The following ATR variants were observed in gnomAD, a reference collection of about 807,000 sequenced individuals.
ATR encodes the protein serine/threonine-protein kinase ATR.
ATR carries 142 observed loss-of-function variants against 305.3 expected under a neutral mutation model. The observed-to-expected ratio is 0.47, with a 90% CI of 0.41 to 0.53. The LOEUF is 0.53. Among genes scored for constraint, ATR ranks in the 20% least tolerant of loss-of-function variants. ATR has a pLI of 0.00. For missense variants in ATR, 2,135 were observed against 3,133.1 expected (o/e 0.68, Z 7.60); for synonymous variants, 1,050 against 1,068.1 (o/e 0.98, Z 0.33).
intron 24 of ATR, among the ~76,000 whole-genome samples, chr3:142,517,004 T>TATATAC (rs1471452349): frequency 6.7e-6 from 1 of 148,534 alleles, no homozygotes; most frequent in Admixed American, 6.7e-5. Flanking sequence ...TATATATATA[T>TATATAC]ATACATATTT....
chr3:142,450,021 A>G (rs1194329986), intron 46 of ATR: 2 of 302,704 alleles, frequency 6.6e-6, no homozygotes, highest in Non-Finnish European at 6.3e-6. Flanking sequence ...GGAACTGTAC[A>G]ATTTCTTAAG....
chr3:142,471,732 A>G (rs1372346055), intron 36 of ATR, among the ~76,000 whole-genome samples: 1 of 152,162 alleles, frequency 6.6e-6, no homozygotes, highest in Non-Finnish European at 1.5e-5. Flanking sequence ...TATTTCACAT[A>G]TTTATTTTGT....
intron 15 of ATR, among the ~76,000 whole-genome samples, chr3:142,548,390 T>A (rs894200551): frequency 6.6e-6 from 1 of 152,186 alleles, no homozygotes; most frequent in African/African-American, 2.4e-5. Flanking sequence ...TACCTTTGGC[T>A]GGGCGTGTTG....
rs2108278409 is a variant in ATR at position 142,469,319 on chromosome 3, G to C, written c.6552+18C>G. The C allele has an allele frequency of 2.5e-6, 4 of 1,584,404 alleles. No homozygotes were observed. Among genetic ancestry groups the C allele is most frequent in the Non-Finnish European group, 3.5e-6 (4 of 1,155,154 alleles). The stretch of plus-strand genomic sequence containing the variant: ...GGTAAAAGATCTTTTCATATAAAAA[G>C]GTAAAAGACCCTTTTACCTTTGACA... On this transcript the variant is annotated intron_variant, in intron 38 of 46. Transcript: ENST00000350721.
chr3:142,552,087 A>G (rs537510563), intron 13 of ATR, among the ~76,000 whole-genome samples: 3 of 144,162 alleles, frequency 2.1e-5, no homozygotes, highest in South Asian at 2.2e-4. Flanking sequence ...CAAAACTACA[A>G]TGAGATACCA....
At chr3:142,526,668 T>C (rs1028853444) in intron 21 of ATR, among the ~76,000 whole-genome samples, 2 of 152,154 alleles carry the variant, frequency 1.3e-5, no homozygotes, top group African/African-American at 4.8e-5. Context: ...ATGGAAATAA[T>C]AGCATGATTT....
rs201709093 is a variant in ATR at position 142,513,489 on chromosome 3, G to A, written c.4641+12C>T. ...CACATGTTCAAAAACCAAGTAAGAT[G>A]ATTTATCTCACCTCCTGCTGATCTT... On this transcript the variant is annotated intron_variant, in intron 26 of 46. Coordinates refer to ENST00000350721, the MANE Select transcript of ATR (RefSeq NM_001184.4). 9.9e-6 allele frequency: 16 copies of A among 1,612,782 alleles called. No homozygotes were observed. The highest frequency in any genetic ancestry group is 1.7e-5 in the Admixed American group (1 of 59,994).
intron 23 of ATR, among the ~76,000 whole-genome samples, chr3:142,522,436 A>T (rs975875095): frequency 2.6e-5 from 4 of 152,172 alleles, no homozygotes; most frequent in Admixed American, 2.6e-4. Context: ...AGCTGTGAAC[A>T]TCCTTAGGAC....
chr3:142,499,589 C>T (rs1559941055), intron 31 of ATR, 38 bp downstream of exon 31: 9 of 1,591,542 alleles, frequency 5.7e-6, no homozygotes, highest in Non-Finnish European at 7.8e-6. Context: ...CCACCGCACC[C>T]ATCCTAAAAC....
chr3:142,498,445 G>C, intron 32 of ATR, 152 bp downstream of exon 32: 2 of 691,474 alleles, frequency 2.9e-6, no homozygotes, highest in South Asian at 3.8e-5. Context: ...TTTAACTGTA[G>C]GGTGATTGTG....
intron 5 of ATR, 146 bp downstream of exon 5, chr3:142,561,097 T>C (rs1337672817): frequency 4.8e-6 from 4 of 825,438 alleles, no homozygotes; most frequent in Admixed American, 2.9e-5. Context: ...ACAATAATTA[T>C]AAAAATATTT....
In ATR at chr3:142,508,102, A is replaced by T. The variant is rs972989914; in HGVS notation, c.4860T>A (p.Thr1620=). The part of the protein sequence containing the change: ...NRNKVDSMVS[T]VDYEDYQSVT... ...CACTCTGATAGTCTTCATAATCCAC[A>T]GTAGATACTAGATCATAAAAAAAGT... is the stretch of plus-strand genomic sequence containing the variant. Residue 1620 remains threonine, a synonymous_variant, in exon 28 of 47, where the codon ACT becomes ACA. Transcript: ENST00000350721. The T allele has an allele frequency of 2.0e-5, 32 of 1,610,780 alleles. No individual in the cohort carries two copies. Among genetic ancestry groups the T allele is most frequent in the Non-Finnish European group, 2.7e-5 (32 of 1,178,588 alleles).
At chr3:142,513,317 A>G (rs1401450354) in intron 26 of ATR, among the ~76,000 whole-genome samples, 184 bp downstream of exon 26, 1 of 152,252 alleles carries the variant, frequency 6.6e-6, no homozygotes, top group Non-Finnish European at 1.5e-5. Context: ...GGTAGCTAGA[A>G]TATACATAGA....
At chr3:142,452,139 A>G (rs2108247708) in intron 46 of ATR, 2 of 1,021,496 alleles carry the variant, frequency 2.0e-6, no homozygotes, top group Non-Finnish European at 2.4e-6. Context: ...TCTCAAGACA[A>G]AGGGTTAAGG....
In ATR at chr3:142,566,408, C is replaced by G. The variant is rs910989580; in HGVS notation, c.152-147G>C. On this transcript the variant is annotated intron_variant, in intron 2 of 46. Transcript: ENST00000350721. Reference sequence around the variant, plus strand: ...CTGAAGTGGGCGGATCACCTGAGCCCAGGAACTCAAGACCAGCCTGGATAA... The same window carrying G: ...CTGAAGTGGGCGGATCACCTGAGCCGAGGAACTCAAGACCAGCCTGGATAA... 5 of 873,064 alleles carry G rather than the reference C, an allele frequency of 5.7e-6. No individual in the cohort carries two copies. The African/African-American group carries it at 6.7e-5, about 12-fold the overall frequency. 54.1% of individuals were successfully genotyped at this position (873,064 alleles called of 1,614,324 possible).
intron 34 of ATR, among the ~76,000 whole-genome samples, chr3:142,496,116 C>T (rs1482228177): frequency 6.6e-6 from 1 of 151,022 alleles, no homozygotes; most frequent in Non-Finnish European, 1.5e-5. Flanking sequence ...CCACATTCAG[C>T]CTTGAAATGG....
At chr3:142,559,525 A>G in intron 6 of ATR, 84 bp from the exon 7 acceptor site, 1 of 1,300,204 alleles carries the variant, frequency 7.7e-7, no homozygotes, top group South Asian at 1.3e-5. Flanking sequence ...TAAAGCCAAA[A>G]GAAATTGTGA....
chr3:142,484,395 G>A lies in ATR; in HGVS notation c.6221+745C>T, dbSNP rs577892550. Reference sequence around the variant, plus strand: ...GAGTTTGGAGAGCTTCCAGAGAGGTGAACACGTGGAGGCTGACAGGAGGGT... The same window carrying A: ...GAGTTTGGAGAGCTTCCAGAGAGGTAAACACGTGGAGGCTGACAGGAGGGT... On this transcript the variant is annotated intron_variant, in intron 36 of 46. Transcript: ENST00000350721. Among the ~76,000 whole-genome samples, 3 of 152,222 alleles carry A rather than the reference G, an allele frequency of 2.0e-5. No individual in the cohort carries two copies. The East Asian group carries it at 5.8e-4, about 29-fold the overall frequency.
chr3:142,463,626 G>T (rs2071066007), intron 41 of ATR, among the ~76,000 whole-genome samples: 1 of 152,082 alleles, frequency 6.6e-6, no homozygotes. Context: ...CGAACTACTG[G>T]CCTCAAGTGA....
Sources: allele counts gnomAD v4.1 joint callset (sites outside exome capture counted in the v4.1 genomes callset), GRCh38; gene constraint gnomAD v4.1.1; transcripts MANE v1.5; gene names NCBI Gene and HGNC (gene_info 2026-07-23, HGNC 2026-07-21).